Variants in ABR observed in about 807,000 individuals in gnomAD.
ABR encodes ABR activator of RhoGEF and GTPase, also known as active breakpoint cluster region-related protein.
In ABR, 35 loss-of-function variants were observed where a neutral mutation model predicts 107.2. The observed-to-expected ratio is 0.33, with a 90% CI of 0.25 to 0.43. The LOEUF (loss-of-function observed/expected upper bound fraction) is 0.43, where lower values mean the gene tolerates loss of function less well. ABR is among the 20% of genes least tolerant of loss of function. The pLI, the probability that ABR is intolerant of heterozygous loss-of-function variation, is 1.00. For missense variants in ABR, 815 were observed against 1,115.2 expected (o/e 0.73, Z 3.83); for synonymous variants, 498 against 462.0 (o/e 1.08, Z -1.00).
At chr17:1,079,796 A>C in intron 5 of ABR, among the ~76,000 whole-genome samples, 1 of 14,944 alleles carries the variant, frequency 6.7e-5, no homozygotes, top group Non-Finnish European at 9.5e-5. Flanking sequence ...CTCAAAAAAA[A>C]AAAAAAAAAA....
intron 10 of ABR, among the ~76,000 whole-genome samples, chr17:1,060,242 C>A (rs371206802): frequency 1.3e-5 from 2 of 152,022 alleles, no homozygotes; most frequent in Admixed American, 6.6e-5. Flanking sequence ...GAAACTCCGT[C>A]TCTACTAAAA....
In ABR at chr17:1,173,376, C is replaced by T. The variant is rs565050148; in HGVS notation, c.61+6291G>A. Among the ~76,000 whole-genome samples the T allele has an allele frequency of 1.1e-3, 159 of 142,362 alleles. 7 individuals are homozygous for T. Among genetic ancestry groups the T allele is most frequent in the African/African-American group, 4.3e-3 (151 of 35,114 alleles). The allele number at this position is 142,362 out of a possible 152,430, so 93.4% of individuals were successfully genotyped here. A position where few individuals can be genotyped will look rare whatever the true frequency, so the allele number is the denominator to read the frequency against. On this transcript the variant is annotated intron_variant, in intron 1 of 22. Coordinates refer to ENST00000302538, the MANE Select transcript of ABR (RefSeq NM_021962.5). ...CTCAACACATCACCTCAGCCCACCC[C>T]CCACACATCACCAACACCCGCCACC... is the stretch of plus-strand genomic sequence containing the variant.
Position 1,179,339 on chromosome 17 carries a change from G to A in ABR, c.61+328C>T, listed in dbSNP as rs2042035509. Among the ~76,000 whole-genome samples, 1 of 152,082 alleles carries A rather than the reference G, an allele frequency of 6.6e-6. No individual in the cohort carries two copies. The highest frequency in any genetic ancestry group is 1.5e-5 in the Non-Finnish European group (1 of 67,988). ...CCTCCCTCCCCTGAGGCTCGCGGAG[G>A]CCGGGTTCACAACAGGTGGGAGGGG... On this transcript the variant is annotated intron_variant, in intron 1 of 22. Coordinates refer to ENST00000302538, the MANE Select transcript of ABR (RefSeq NM_021962.5). The surrounding 1 kb of genome is among the most constrained non-coding windows in gnomAD (Gnocchi z 4.9).
chr17:1,027,619 T>C lies in ABR; in HGVS notation c.1792-14455A>G, dbSNP rs1026041245. ...GGGTCGCCCGACCCCACTGCCAACC[T>C]GTCAGCCAGCCTGGCCGCAGTCAGG... On this transcript the variant is annotated intron_variant, in intron 16 of 22. Coordinates refer to ENST00000302538, the MANE Select transcript of ABR (RefSeq NM_021962.5). This position sits in a 1 kb window ranked among gnomAD's most constrained non-coding sequence, Gnocchi z 4.7. 5.3e-5 allele frequency among the ~76,000 whole-genome samples: 8 copies of C among 151,908 alleles called. No individual in the cohort carries two copies. The highest frequency in any genetic ancestry group is 2.6e-4 in the Admixed American group (4 of 15,260).
intron 1 of ABR, among the ~76,000 whole-genome samples, chr17:1,146,769 C>G (rs1416932885): frequency 2.3e-5 from 3 of 132,568 alleles, no homozygotes; most frequent in African/African-American, 8.1e-5. Flanking sequence ...CATGACACCA[C>G]TGCCACCAGG....
rs1392343056 is a variant in ABR at position 1,050,151 on chromosome 17, A to C, written c.1690T>G (p.Ser564Ala). 6.2e-7 allele frequency: 1 copy of C among 1,613,948 alleles called. No individual in the cohort carries two copies. Among genetic ancestry groups the C allele is most frequent in the Non-Finnish European group, 8.5e-7 (1 of 1,180,004 alleles). ...EFEIELEGSQ[S>A]LRILCYEKCY... Reference sequence around the variant, plus strand: ...TTCTCATAGCACAGGATCCTCAGGGACTGGGAGCCCTCCAGCTCGATCTCA... The same window carrying C: ...TTCTCATAGCACAGGATCCTCAGGGCCTGGGAGCCCTCCAGCTCGATCTCA... Residue 564 changes from serine (S) to alanine (A), a missense_variant, in exon 16 of 23, where the codon TCC becomes GCC. Around this residue, in one of 5 missense-constraint regions of ABR, gnomAD observed 385 missense variants for 596.9 expected, o/e 0.64. Coordinates refer to ENST00000302538, the MANE Select transcript of ABR (RefSeq NM_021962.5). The surrounding 1 kb of genome is among the most constrained non-coding windows in gnomAD (Gnocchi z 4.6).
intron 16 of ABR, among the ~76,000 whole-genome samples, chr17:1,046,523 C>A (rs1332029903): frequency 6.6e-6 from 1 of 152,228 alleles, no homozygotes; most frequent in Non-Finnish European, 1.5e-5. Flanking sequence ...CCCACCTCGG[C>A]CTCCTGCTCT....
At position 1,179,026 on chromosome 17, in the gene ABR, G is replaced by A. The variant is rs1407733533; in HGVS notation, c.61+641C>T. Among the ~76,000 whole-genome samples the A allele has an allele frequency of 6.6e-6, 1 of 151,720 alleles. No homozygotes were observed. The highest frequency in any genetic ancestry group is 1.5e-5 in the Non-Finnish European group (1 of 67,908). On this transcript the variant is annotated intron_variant, in intron 1 of 22. Coordinates refer to ENST00000302538, the MANE Select transcript of ABR (RefSeq NM_021962.5). The surrounding 1 kb of genome is among the most constrained non-coding windows in gnomAD (Gnocchi z 4.9). ...TTTGTTTTTTTTTTCTTCTGAGGGT[G>A]GTGGTGATGATGAGGGTGGGGGTGG...
chr17:1,055,864 G>A lies in ABR; in HGVS notation c.1561+171C>T, dbSNP rs1597582724. ...ACAGCTTCAGGGAGGGCTTGAGAAA[G>A]AGGACTTTGGAGACAAAGGCCAGGG... On this transcript the variant is annotated intron_variant, in intron 14 of 22. Transcript: ENST00000302538. 24 of 605,110 alleles carry A rather than the reference G, an allele frequency of 4.0e-5. No individual in the cohort carries two copies. The South Asian group carries it at 5.2e-4, about 13-fold the overall frequency. 37.5% of individuals were successfully genotyped at this position (605,110 alleles called of 1,614,324 possible).
intron 1 of ABR, among the ~76,000 whole-genome samples, chr17:1,145,914 C>G (rs1391932302): frequency 6.6e-6 from 1 of 152,230 alleles, no homozygotes; most frequent in Non-Finnish European, 1.5e-5. Flanking sequence ...GCTGGGTGGC[C>G]ACGTTCACTG....
intron 4 of ABR, among the ~76,000 whole-genome samples, chr17:1,086,879 T>C (rs2036625594): frequency 6.6e-6 from 1 of 151,664 alleles, no homozygotes; most frequent in African/African-American, 2.4e-5. Context: ...GAGACTGAGG[T>C]GGGAGGATCA....
Position 1,051,712 on chromosome 17 carries a change from G to A in ABR, c.1562-1078C>T, listed in dbSNP as rs948098967. Reference sequence around the variant, plus strand: ...AACAACGTCAGAGGTCACAGTGCGGGCATACAGTGCAGGTGGCTTACTCCA... The same window carrying A: ...AACAACGTCAGAGGTCACAGTGCGGACATACAGTGCAGGTGGCTTACTCCA... On this transcript the variant is annotated intron_variant, in intron 14 of 22. Coordinates refer to ENST00000302538, the MANE Select transcript of ABR (RefSeq NM_021962.5). This position sits in a 1 kb window ranked among gnomAD's most constrained non-coding sequence, Gnocchi z 4.3. 6.6e-5 allele frequency among the ~76,000 whole-genome samples: 10 copies of A among 152,318 alleles called. No individual in the cohort carries two copies. The highest frequency in any genetic ancestry group is 2.2e-4 in the African/African-American group (9 of 41,572).
intron 1 of ABR, among the ~76,000 whole-genome samples, chr17:1,213,687 G>A (rs1038852640): frequency 5.9e-5 from 9 of 152,034 alleles, no homozygotes; most frequent in East Asian, 1.9e-4. Flanking sequence ...CACCACGCCC[G>A]GCCAAAGGTT....
At chr17:1,008,004 G>A (rs1368684588) in intron 21 of ABR, among the ~76,000 whole-genome samples, 1 of 152,208 alleles carries the variant, frequency 6.6e-6, no homozygotes, top group Non-Finnish European at 1.5e-5. Flanking sequence ...GTCCGGAAAG[G>A]TCGGCCTCGT....
At chr17:1,133,243 G>GA (rs35915671) in intron 1 of ABR, among the ~76,000 whole-genome samples, 56,740 of 138,108 alleles carry the variant, frequency 0.41, 12,764 homozygotes, top group East Asian at 0.56. Context: ...ACTCCGTCTC[G>GA]AAAAAAAAAA....
chr17:1,087,844 G>A (rs1461400549), intron 4 of ABR, among the ~76,000 whole-genome samples: 2 of 152,158 alleles, frequency 1.3e-5, no homozygotes, highest in African/African-American at 4.8e-5. Context: ...CTGCGTCCAG[G>A]GTCACGGTAA....
rs988077136 is a variant in ABR at position 1,070,770 on chromosome 17, C to CG, written c.895-681dup. ...AGAGTTTCCAACCCCCGCTCAGAGC[C>CG]GGGGGGTCGTCCCCATCTGTGCCAG... On this transcript the variant is annotated intron_variant, in intron 8 of 22. Transcript: ENST00000302538. The surrounding 1 kb of genome is among the most constrained non-coding windows in gnomAD (Gnocchi z 4.2). Among the ~76,000 whole-genome samples the CG allele has an allele frequency of 6.6e-6, 1 of 152,136 alleles. No individual in the cohort carries two copies. Among genetic ancestry groups the CG allele is most frequent in the African/African-American group, 2.4e-5 (1 of 41,424 alleles).
upstream of ABR, among the ~76,000 whole-genome samples, chr17:1,182,602 G>A (rs111349877): frequency 0.016 from 2,400 of 152,196 alleles, 44 homozygotes; most frequent in South Asian, 0.034. Context: ...TCCTGACCTC[G>A]TGATCCGCCC....
At chr17:1,009,466 A>G (rs2070344488) in intron 21 of ABR, among the ~76,000 whole-genome samples, 1 of 152,146 alleles carries the variant, frequency 6.6e-6, no homozygotes, top group Admixed American at 6.5e-5. Context: ...ACAGAAAAAC[A>G]TGAGTGCAAG....
Sources: allele counts gnomAD v4.1 joint callset (sites outside exome capture counted in the v4.1 genomes callset), GRCh38; gene constraint gnomAD v4.1.1; regional missense constraint gnomAD v4.1.1; non-coding constraint Gnocchi (gnomAD v3.1); transcripts MANE v1.5; gene names NCBI Gene and HGNC (gene_info 2026-07-23, HGNC 2026-07-21).